FAM151B: variants seen among roughly 807,000 people sequenced by gnomAD.
The protein encoded by FAM151B is family with sequence similarity 151 member B, also known as protein FAM151B.
Under a neutral mutation model 31.2 loss-of-function variants are expected in FAM151B, and 24 were observed. The observed-to-expected ratio is 0.77, with a 90% CI of 0.56 to 1.08. The LOEUF is 1.08. Ranked by LOEUF, FAM151B falls within the 50% of genes least tolerant of loss-of-function variation. The pLI, the probability that FAM151B is intolerant of heterozygous loss-of-function variation, is 0.00. For synonymous variants in FAM151B, 105 were observed against 111.4 expected, an observed-to-expected ratio of 0.94 and a Z score of 0.36; for missense variants, 293 against 328.6, an observed-to-expected ratio of 0.89 and a Z score of 0.84.
intron 2 of FAM151B, among the ~76,000 whole-genome samples, chr5:80,504,514 C>CTTTTTTTTTTTTTTTTTTTTTTT (rs11340979): frequency 1.7e-5 from 1 of 58,716 alleles, no homozygotes; most frequent in African/African-American, 6.8e-5. Context: ...GACTATTACT[C>CTTTTTTTTTTTTTTTTTTTTTTT]TTTTTTTTTT....
intron 2 of FAM151B, among the ~76,000 whole-genome samples, chr5:80,508,138 G>A (rs887577669): frequency 6.6e-6 from 1 of 152,050 alleles, no homozygotes; most frequent in Non-Finnish European, 1.5e-5. Flanking sequence ...AATCATTTTT[G>A]TATGTAGATA....
At chr5:80,494,081 G>A (rs966423864) in intron 1 of FAM151B, among the ~76,000 whole-genome samples, 5 of 152,146 alleles carry the variant, frequency 3.3e-5, no homozygotes, top group Admixed American at 1.3e-4. Flanking sequence ...AGAAAAGAAC[G>A]TACGTTGAAA....
chr5:80,541,659 T>G lies in FAM151B; in HGVS notation c.672-14T>G, dbSNP rs780911515. 1 of 1,611,766 alleles carries G rather than the reference T, an allele frequency of 6.2e-7. No individual in the cohort carries two copies. Among genetic ancestry groups the G allele is most frequent in the South Asian group, 1.1e-5 (1 of 90,450 alleles). On this transcript the variant is annotated splice_polypyrimidine_tract_variant and intron_variant, in intron 5 of 5. Transcript: ENST00000282226. ...CCACTTTTAACTGTATAATTCTGTT[T>G]TATTTCAATGCAGGTACAGCCTGAC... is the stretch of plus-strand genomic sequence containing the variant.
Position 80,488,103 on chromosome 5 carries a change from C to T in FAM151B, c.-21C>T. ...AGGGGCGCCAGCCTGGGCGCCTGCG[C>T]GGACGGCGGGCGTCGTCACCATGGC... is the stretch of plus-strand genomic sequence containing the variant. On this transcript the variant is annotated 5_prime_UTR_variant, in exon 1 of 6. Transcript: ENST00000282226. 1.3e-6 allele frequency: 2 copies of T among 1,539,804 alleles called. No individual in the cohort carries two copies. The highest frequency in any genetic ancestry group is 1.2e-5 in the South Asian group (1 of 83,844).
chr5:80,496,430 A>C (rs115452800), intron 1 of FAM151B, among the ~76,000 whole-genome samples: 3,043 of 152,324 alleles, frequency 0.02, 52 homozygotes, highest in South Asian at 0.04. Flanking sequence ...AATAGGCTAC[A>C]GTATAACAGT....
chr5:80,541,452 C>T (rs1745885171), intron 5 of FAM151B, among the ~76,000 whole-genome samples: 1 of 152,184 alleles, frequency 6.6e-6, no homozygotes, highest in Non-Finnish European at 1.5e-5. Flanking sequence ...TCAGATAGAG[C>T]AGTTATGTCG....
chr5:80,527,980 CCTTT>C (rs1745046870), intron 5 of FAM151B, among the ~76,000 whole-genome samples: 1 of 152,100 alleles, frequency 6.6e-6, no homozygotes, highest in African/African-American at 2.4e-5. Context: ...AAAAATATTT[CCTTT>C]CTTTATATCC....
intron 2 of FAM151B, among the ~76,000 whole-genome samples, chr5:80,504,952 C>T (rs1008088469): frequency 1.3e-5 from 2 of 152,170 alleles, no homozygotes; most frequent in Non-Finnish European, 2.9e-5. Context: ...GTTGTCCTTG[C>T]AGAAGTTTGG....
chr5:80,541,007 G>C (rs1239424741), intron 5 of FAM151B, among the ~76,000 whole-genome samples: 3 of 152,178 alleles, frequency 2.0e-5, no homozygotes, highest in African/African-American at 7.2e-5. Flanking sequence ...CCCTAGACTT[G>C]AATGCAACAG....
At chr5:80,497,286 G>A (rs1359263525) in intron 1 of FAM151B, among the ~76,000 whole-genome samples, 1 of 152,012 alleles carries the variant, frequency 6.6e-6, no homozygotes, top group Non-Finnish European at 1.5e-5. Context: ...AGCAGCCGAT[G>A]TGATGGTAAT....
intron 1 of FAM151B, among the ~76,000 whole-genome samples, chr5:80,497,867 C>T (rs1292736569): frequency 6.6e-6 from 1 of 151,926 alleles, no homozygotes; most frequent in East Asian, 1.9e-4. Flanking sequence ...GGGTGCAGCA[C>T]ACCAACATGG....
At chr5:80,521,145 A>G (rs1262317131) in intron 4 of FAM151B, among the ~76,000 whole-genome samples, 9 of 119,040 alleles carry the variant, frequency 7.6e-5, no homozygotes, top group African/African-American at 3.0e-4. Flanking sequence ...TTTTTTTAAA[A>G]AACAGGGTCT....
chr5:80,507,036 T>G (rs770613761), intron 2 of FAM151B, among the ~76,000 whole-genome samples: 7 of 151,376 alleles, frequency 4.6e-5, no homozygotes, highest in Non-Finnish European at 1.0e-4. Context: ...GGAGAATTGC[T>G]TGAACCCAGG....
intron 1 of FAM151B, 149 bp downstream of exon 1, chr5:80,488,297 C>T: frequency 9.5e-7 from 1 of 1,047,192 alleles, no homozygotes. Flanking sequence ...GCTTGGAGCC[C>T]GCTCTGCACT....
chr5:80,488,160 G>A lies in FAM151B; in HGVS notation c.25+12G>A, dbSNP rs761341957. 2.3e-5 allele frequency: 35 copies of A among 1,541,174 alleles called. No homozygotes were observed. Among genetic ancestry groups the A allele is most frequent in the Non-Finnish European group, 2.4e-5 (28 of 1,145,678 alleles). The stretch of plus-strand genomic sequence containing the variant: ...CGCTGGAGGCCCAGGTAAGCGCCGA[G>A]CGCGCGGCCTCTGCCTGGAGGTGGG... On this transcript the variant is annotated intron_variant, in intron 1 of 5. Coordinates refer to ENST00000282226, the MANE Select transcript of FAM151B (RefSeq NM_205548.3).
At chr5:80,525,212 C>T (rs1744905169) in intron 5 of FAM151B, among the ~76,000 whole-genome samples, 1 of 152,136 alleles carries the variant, frequency 6.6e-6, no homozygotes, top group Admixed American at 6.6e-5. Flanking sequence ...AAGAATGCTT[C>T]TAAGAAGATA....
intron 1 of FAM151B, chr5:80,501,465 GAAAAAAA>G (rs34586243): frequency 1.2e-5 from 1 of 84,820 alleles, no homozygotes; most frequent in Non-Finnish European, 2.3e-5. Context: ...CTCTCAAATT[GAAAAAAA>G]AAAAAAAAAA....
chr5:80,538,740 G>A (rs1304653116), intron 5 of FAM151B, among the ~76,000 whole-genome samples: 1 of 151,472 alleles, frequency 6.6e-6, no homozygotes, highest in Non-Finnish European at 1.5e-5. Context: ...GGGATTACAG[G>A]CACCCGCCAC....
chr5:80,500,330 A>C, intron 1 of FAM151B: 2 of 849,202 alleles, frequency 2.4e-6, no homozygotes, highest in Non-Finnish European at 2.0e-6. Context: ...TCCGGCTGGA[A>C]CCATGGAGGG....
Sources: gnomAD v4.1 joint callset for allele counts (sites outside exome capture counted in the v4.1 genomes callset) on GRCh38, gnomAD v4.1.1 for gene constraint, MANE v1.5 for transcripts, NCBI Gene and HGNC (gene_info 2026-07-23, HGNC 2026-07-21) for gene names.